Variants in NOL4 observed in about 807,000 individuals in gnomAD.
NOL4 encodes nucleolar protein 4.
NOL4 carries 17 observed loss-of-function variants against 75.9 expected under a neutral mutation model. The observed-to-expected ratio is 0.22, with a 90% CI of 0.15 to 0.34. The LOEUF is 0.34. NOL4 is among the 10% of genes least tolerant of loss of function. The pLI, the probability that NOL4 is intolerant of heterozygous loss-of-function variation, is 1.00. For missense variants in NOL4, 614 were observed against 793.5 expected, an observed-to-expected ratio of 0.77 and a Z score of 2.72; for synonymous variants, 292 against 289.9, an observed-to-expected ratio of 1.01 and a Z score of -0.07.
At chr18:33,868,017 C>A (rs1237570720) in intron 10 of NOL4, among the ~76,000 whole-genome samples, 1 of 151,560 alleles carries the variant, frequency 6.6e-6, no homozygotes, top group Non-Finnish European at 1.5e-5. Context: ...GGGCAATATG[C>A]TTTACTCGGT....
intron 6 of NOL4, among the ~76,000 whole-genome samples, chr18:34,001,388 C>T (rs1054054462): frequency 6.6e-6 from 1 of 152,154 alleles, no homozygotes; most frequent in African/African-American, 2.4e-5. Context: ...CTTCCCATAC[C>T]TATAGCATTA....
intron 2 of NOL4, among the ~76,000 whole-genome samples, chr18:34,116,960 T>C (rs2079889279): frequency 6.6e-6 from 1 of 152,196 alleles, no homozygotes; most frequent in Non-Finnish European, 1.5e-5. Flanking sequence ...TTGTATTATA[T>C]ATAAACCTGC....
intron 10 of NOL4, among the ~76,000 whole-genome samples, chr18:33,874,721 G>T (rs1268618094): frequency 6.6e-6 from 1 of 151,976 alleles, no homozygotes; most frequent in Non-Finnish European, 1.5e-5. Flanking sequence ...AGTGAAGGCA[G>T]TGAATGAATA....
intron 2 of NOL4, among the ~76,000 whole-genome samples, chr18:34,107,402 G>A (rs932668796): frequency 1.3e-5 from 2 of 151,558 alleles, no homozygotes; most frequent in African/African-American, 4.9e-5. Flanking sequence ...TATTCTTTCC[G>A]GTATGGCTCT....
chr18:33,879,538 C>T (rs1402210505), intron 10 of NOL4, among the ~76,000 whole-genome samples: 1 of 151,714 alleles, frequency 6.6e-6, no homozygotes, highest in East Asian at 1.9e-4. Flanking sequence ...TAAATTAGCC[C>T]AGCATGGAGG....
intron 8 of NOL4, among the ~76,000 whole-genome samples, chr18:33,944,960 T>C (rs980820628): frequency 6.6e-6 from 1 of 151,914 alleles, no homozygotes; most frequent in Non-Finnish European, 1.5e-5. Context: ...GGGAATTAGA[T>C]ACTCATTGAT....
At chr18:34,143,256 T>C (rs1480825423) in intron 1 of NOL4, among the ~76,000 whole-genome samples, 1 of 152,162 alleles carries the variant, frequency 6.6e-6, no homozygotes, top group African/African-American at 2.4e-5. Context: ...GACTGTCTCT[T>C]GAAAACATAC....
chr18:34,180,419 G>GA (rs2033938436), intron 1 of NOL4, among the ~76,000 whole-genome samples: 1 of 151,398 alleles, frequency 6.6e-6, no homozygotes, highest in Non-Finnish European at 1.5e-5. Context: ...AAGTATTTGA[G>GA]AAAAATCCAA....
chr18:34,071,314 C>T (rs1011105011), intron 5 of NOL4, among the ~76,000 whole-genome samples: 78 of 152,072 alleles, frequency 5.1e-4, no homozygotes, highest in African/African-American at 1.9e-3. Context: ...TCAAAACTTG[C>T]TATAATATAG....
At chr18:34,057,354 C>T (rs183021957) in intron 5 of NOL4, among the ~76,000 whole-genome samples, 1 of 152,286 alleles carries the variant, frequency 6.6e-6, no homozygotes, top group East Asian at 1.9e-4. Flanking sequence ...ATAAAGAATA[C>T]TGCTATATTG....
chr18:33,873,119 T>C (rs2063775338), intron 10 of NOL4, among the ~76,000 whole-genome samples: 1 of 152,056 alleles, frequency 6.6e-6, no homozygotes, highest in Non-Finnish European at 1.5e-5. Context: ...AATATGTTAC[T>C]ACCACGCAGA....
intron 6 of NOL4, among the ~76,000 whole-genome samples, chr18:34,011,724 G>C (rs1215895369): frequency 2.0e-5 from 3 of 151,776 alleles, no homozygotes; most frequent in Non-Finnish European, 4.4e-5. Context: ...ACTTCTTTTT[G>C]AGGTATTGAT....
intron 1 of NOL4, among the ~76,000 whole-genome samples, chr18:34,214,105 A>G (rs1278072539): frequency 6.6e-6 from 1 of 152,164 alleles, no homozygotes; most frequent in Non-Finnish European, 1.5e-5. Context: ...ACAAGATGAC[A>G]GAAAGTATTT....
intron 6 of NOL4, among the ~76,000 whole-genome samples, chr18:33,996,511 T>C (rs1420487889): frequency 2.6e-5 from 4 of 151,860 alleles, no homozygotes; most frequent in African/African-American, 9.7e-5. Flanking sequence ...GAAGTATGAA[T>C]GAATCCATCA....
chr18:33,995,980 T>C (rs1012090992), intron 6 of NOL4, among the ~76,000 whole-genome samples: 9 of 151,920 alleles, frequency 5.9e-5, no homozygotes, highest in Non-Finnish European at 1.3e-4. Flanking sequence ...TTGTTGTTAT[T>C]CTTCTGCCTA....
intron 5 of NOL4, among the ~76,000 whole-genome samples, chr18:34,067,308 T>A (rs2077321720): frequency 6.6e-6 from 1 of 152,146 alleles, no homozygotes; most frequent in Admixed American, 6.5e-5. Context: ...CTGGCATGTT[T>A]GAGGAGCAGC....
chr18:33,906,204 C>T (rs993247969), intron 9 of NOL4, among the ~76,000 whole-genome samples: 13 of 152,216 alleles, frequency 8.5e-5, no homozygotes, highest in Middle Eastern at 3.4e-3. Context: ...GAGTATTTGT[C>T]GGAGAGTCAT....
intron 9 of NOL4, among the ~76,000 whole-genome samples, chr18:33,895,974 T>C (rs1237928359): frequency 6.6e-6 from 1 of 152,076 alleles, no homozygotes; most frequent in Non-Finnish European, 1.5e-5. Context: ...ACAGAATCAA[T>C]GTACAAAACA....
At chr18:33,871,908 T>A (rs1208789144) in intron 10 of NOL4, among the ~76,000 whole-genome samples, 1 of 152,034 alleles carries the variant, frequency 6.6e-6, no homozygotes, top group Non-Finnish European at 1.5e-5. Context: ...CAGTGAAAGA[T>A]TTGAGGGCTC....
Sources: gnomAD v4.1 joint callset for allele counts (sites outside exome capture counted in the v4.1 genomes callset) on GRCh38, gnomAD v4.1.1 for gene constraint, MANE v1.5 for transcripts, NCBI Gene and HGNC (gene_info 2026-07-23, HGNC 2026-07-21) for gene names.